The following GABRA2 variants were observed in gnomAD, a reference collection of about 807,000 sequenced individuals.
GABRA2 encodes gamma-aminobutyric acid type A receptor subunit alpha2.
In GABRA2, 16 loss-of-function variants were observed where a neutral mutation model predicts 48.7. The observed-to-expected ratio is 0.33, with a 90% CI of 0.22 to 0.50. The LOEUF (loss-of-function observed/expected upper bound fraction) is 0.50, where lower values mean the gene tolerates loss of function less well. Ranked by LOEUF, GABRA2 falls within the 20% of genes least tolerant of loss-of-function variation. The pLI is 0.98. For missense variants in GABRA2, 275 were observed against 535.6 expected, an observed-to-expected ratio of 0.51 and a Z score of 4.80; for synonymous variants, 185 against 184.5, an observed-to-expected ratio of 1.00 and a Z score of -0.02.
chr4:46,321,154 C>T (rs1019297241), intron 4 of GABRA2, among the ~76,000 whole-genome samples: 1 of 151,624 alleles, frequency 6.6e-6, no homozygotes, highest in Admixed American at 6.6e-5. Context: ...ATCTCACTTA[C>T]ATGTGGAAAA....
chr4:46,245,216 C>T lies in GABRA2; in HGVS notation c.*5092G>A, dbSNP rs113343505. Among the ~76,000 whole-genome samples, 1,733 of 151,166 alleles carry T rather than the reference C, an allele frequency of 0.011. 37 individuals carry two copies. The highest frequency in any genetic ancestry group is 0.04 in the African/African-American group (1,672 of 41,410). On this transcript the variant is annotated 3_prime_UTR_variant, in exon 10 of 10. Coordinates refer to ENST00000381620, the MANE Select transcript of GABRA2 (RefSeq NM_000807.4). ...AGAACGTTGACTAGTATGTGATGGG[C>T]TCTCTGTAAGAATTATACTCTGAAT...
In GABRA2 at chr4:46,356,576, G is replaced by A. The variant is rs564378188; in HGVS notation, c.188-23894C>T. Among the ~76,000 whole-genome samples the A allele has an allele frequency of 2.4e-4, 37 of 152,202 alleles. 2 individuals carry two copies. The South Asian group carries it at 7.3e-3, about 30-fold the overall frequency. On this transcript the variant is annotated intron_variant, in intron 3 of 9. Coordinates refer to ENST00000381620, the MANE Select transcript of GABRA2 (RefSeq NM_000807.4). ...TATGCCTTTGAGAAACCTAGACTTC[G>A]CATATAAAAATCACTTCTGAGATTC...
upstream of GABRA2, chr4:46,390,128 TG>T: frequency 2.1e-6 from 2 of 940,964 alleles, no homozygotes; most frequent in South Asian, 4.9e-5. Flanking sequence ...GCCCCGCGCC[TG>T]GAGGAGGAGG....
intron 3 of GABRA2, among the ~76,000 whole-genome samples, chr4:46,345,755 T>C (rs1056498824): frequency 6.6e-6 from 1 of 151,806 alleles, no homozygotes; most frequent in Non-Finnish European, 1.5e-5. Context: ...CTGGGGAAAA[T>C]GAGAGGCAAC....
intron 8 of GABRA2, among the ~76,000 whole-genome samples, chr4:46,264,848 C>A (rs1341565133): frequency 6.6e-6 from 1 of 151,670 alleles, no homozygotes; most frequent in African/African-American, 2.4e-5. Context: ...GTTTACTAAA[C>A]TCACAGTTTT....
At chr4:46,301,591 T>A (rs552014840) in intron 8 of GABRA2, among the ~76,000 whole-genome samples, 1 of 152,210 alleles carries the variant, frequency 6.6e-6, no homozygotes, top group African/African-American at 2.4e-5. Context: ...ATCTATTCTT[T>A]TGAGCTAGGA....
At chr4:46,332,752 T>C in intron 3 of GABRA2, 70 bp from the exon 4 acceptor site, 1 of 924,620 alleles carries the variant, frequency 1.1e-6, no homozygotes. Context: ...AGGGTTTGAG[T>C]ACACGGTATG....
chr4:46,251,329 G>A (rs1714707838), intron 9 of GABRA2, among the ~76,000 whole-genome samples: 1 of 151,252 alleles, frequency 6.6e-6, no homozygotes, highest in African/African-American at 2.4e-5. Flanking sequence ...GACATAAATT[G>A]GATCATTTAA....
rs1491588369 is a variant in GABRA2, at chr4:46,249,035, T to TGTGTGTGTGTGTGTGC, written c.*1272_*1273insGCACACACACACACAC. 5.6e-4 allele frequency: 15 copies of TGTGTGTGTGTGTGTGC among 26,682 alleles called. No homozygotes were observed. The highest frequency in any genetic ancestry group is 8.6e-4 in the Admixed American group (3 of 3,484). 1.7% of individuals were successfully genotyped at this position (26,682 alleles called of 1,614,324 possible). A position where few individuals can be genotyped will look rare whatever the true frequency, so the allele number is the denominator to read the frequency against. On this transcript the variant is annotated 3_prime_UTR_variant, in exon 10 of 10. Coordinates refer to ENST00000381620, the MANE Select transcript of GABRA2 (RefSeq NM_000807.4). ...TTGTGTTTTCTAATTTAGCTGTGTA[T>TGTGTGTGTGTGTGTGC]GTGTGTGTGTGTGTGTGTGTGTGTG...
chr4:46,379,838 A>G (rs1001154763), intron 3 of GABRA2, among the ~76,000 whole-genome samples: 1 of 152,168 alleles, frequency 6.6e-6, no homozygotes, highest in Non-Finnish European at 1.5e-5. Context: ...GACTAGAACT[A>G]CTTAACAGCT....
At chr4:46,257,822 T>TA (rs1485397664) in intron 9 of GABRA2, among the ~76,000 whole-genome samples, 1 of 151,480 alleles carries the variant, frequency 6.6e-6, no homozygotes, top group Non-Finnish European at 1.5e-5. Context: ...TGGTCTAAGA[T>TA]ATGTAAGGAG....
At chr4:46,281,569 T>C (rs1400315299) in intron 8 of GABRA2, among the ~76,000 whole-genome samples, 1 of 152,170 alleles carries the variant, frequency 6.6e-6, no homozygotes, top group African/African-American at 2.4e-5. Flanking sequence ...AGGAATGTAC[T>C]CTGTCAAAGG....
chr4:46,274,259 C>T (rs1447479250), intron 8 of GABRA2, among the ~76,000 whole-genome samples: 1 of 152,034 alleles, frequency 6.6e-6, no homozygotes, highest in African/African-American at 2.4e-5. Flanking sequence ...ATACTGTTAG[C>T]AAGTAGTAGA....
chr4:46,270,305 T>C (rs939782474), intron 8 of GABRA2, among the ~76,000 whole-genome samples: 4 of 152,152 alleles, frequency 2.6e-5, no homozygotes, highest in East Asian at 1.9e-4. Context: ...TGGAAAGATA[T>C]GATTCTCAAA....
At chr4:46,376,446 T>G (rs962573728) in intron 3 of GABRA2, among the ~76,000 whole-genome samples, 4 of 152,188 alleles carry the variant, frequency 2.6e-5, no homozygotes, top group Admixed American at 1.3e-4. Flanking sequence ...GAGTGAGGCA[T>G]GCTTGTGCCT....
chr4:46,264,999 A>ATATATATATATATATATATATATATG (rs1337931857), intron 8 of GABRA2, among the ~76,000 whole-genome samples: 2 of 141,546 alleles, frequency 1.4e-5, no homozygotes, highest in Non-Finnish European at 3.0e-5. Context: ...ATATATATAT[A>ATATATATATATATATATATATATATG]TATGTATAAA....
At chr4:46,362,076 T>C (rs1414739621) in intron 3 of GABRA2, among the ~76,000 whole-genome samples, 4 of 152,148 alleles carry the variant, frequency 2.6e-5, no homozygotes, top group African/African-American at 9.7e-5. Flanking sequence ...GAGATAATGA[T>C]GAAATCAGTT....
intron 3 of GABRA2, among the ~76,000 whole-genome samples, chr4:46,343,470 C>T (rs1384989079): frequency 6.6e-6 from 1 of 151,588 alleles, no homozygotes; most frequent in Admixed American, 6.6e-5. Flanking sequence ...GAGTGAGACA[C>T]ATAAGAGAAT....
chr4:46,353,011 C>T (rs1368733885), intron 3 of GABRA2, among the ~76,000 whole-genome samples: 1 of 152,082 alleles, frequency 6.6e-6, no homozygotes, highest in Non-Finnish European at 1.5e-5. Context: ...TACTCAGCAC[C>T]AATTTTGTGC....
Sources: gnomAD v4.1 joint callset for allele counts (sites outside exome capture counted in the v4.1 genomes callset) on GRCh38, gnomAD v4.1.1 for gene constraint, MANE v1.5 for transcripts, NCBI Gene and HGNC (gene_info 2026-07-23, HGNC 2026-07-21) for gene names.